The following CDIN1 variants were observed in gnomAD, a reference collection of about 807,000 sequenced individuals.
CDIN1 encodes the protein CDAN1-interacting nuclease 1.
A neutral mutation model predicts 45.3 loss-of-function variants in CDIN1; 33 were observed. The observed-to-expected ratio is 0.73, with a 90% confidence interval of 0.55 to 0.97. The LOEUF (loss-of-function observed/expected upper bound fraction) is 0.97, where lower values mean the gene tolerates loss of function less well. Among genes scored for constraint, CDIN1 ranks in the 50% least tolerant of loss-of-function variants. CDIN1 has a pLI of 0.00. For synonymous variants in CDIN1, 118 were observed against 124.4 expected, an observed-to-expected ratio of 0.95 and a Z score of 0.34; for missense variants, 303 against 339.4, an observed-to-expected ratio of 0.89 and a Z score of 0.84.
At chr15:36,642,750 C>A (rs1006243580) in intron 1 of CDIN1, among the ~76,000 whole-genome samples, 1 of 152,176 alleles carries the variant, frequency 6.6e-6, no homozygotes, top group East Asian at 1.9e-4. Flanking sequence ...TGGTCCCTAA[C>A]TTTCTCATTA....
rs1024560655 is a variant in CDIN1, at chr15:36,595,043, A to G, written c.101+15082A>G. ...AATGTTCTTATGGCTTATGGAAAAG[A>G]CAACTGACATATGTAACCTTGGAAC... On this transcript the variant is annotated intron_variant, in intron 1 of 10. Transcript: ENST00000566621. The G allele has an allele frequency of 2.1e-5, 8 of 383,752 alleles. No individual in the cohort carries two copies. In the East Asian group the frequency reaches 1.3e-3, roughly 63 times the overall value. 23.8% of individuals were successfully genotyped at this position (383,752 alleles called of 1,614,324 possible). A position where few individuals can be genotyped will look rare whatever the true frequency, so the allele number is the denominator to read the frequency against.
intron 3 of CDIN1, among the ~76,000 whole-genome samples, chr15:36,650,461 G>T (rs1190037319): frequency 6.7e-6 from 1 of 148,888 alleles, no homozygotes; most frequent in African/African-American, 2.5e-5. Flanking sequence ...TTTATTATTT[G>T]AGACAGAACC....
chr15:36,607,606 C>G (rs2038439824), intron 1 of CDIN1, among the ~76,000 whole-genome samples: 1 of 152,074 alleles, frequency 6.6e-6, no homozygotes, highest in Admixed American at 6.6e-5. Flanking sequence ...TCCCTCTTAA[C>G]TTCCTTTTAT....
At chr15:36,757,770 CAGG>C (rs1301333600) in intron 10 of CDIN1, among the ~76,000 whole-genome samples, 1 of 152,088 alleles carries the variant, frequency 6.6e-6, no homozygotes, top group Non-Finnish European at 1.5e-5. Flanking sequence ...GACCTACTGT[CAGG>C]AGAGCAGTAG....
At chr15:36,706,476 A>T (rs779363254) in intron 8 of CDIN1, 3 of 151,424 alleles carry the variant, frequency 2.0e-5, no homozygotes, top group Non-Finnish European at 4.4e-5. Context: ...AGTCAGGCAT[A>T]GTGGCATGCA....
At chr15:36,759,444 T>A (rs1004019796) in intron 10 of CDIN1, among the ~76,000 whole-genome samples, 2 of 152,158 alleles carry the variant, frequency 1.3e-5, no homozygotes, top group African/African-American at 4.8e-5. Context: ...TTCCTCACAA[T>A]TGCTCAGATA....
chr15:36,747,417 G>A (rs2140959658), intron 10 of CDIN1, among the ~76,000 whole-genome samples: 1 of 152,212 alleles, frequency 6.6e-6, no homozygotes, highest in South Asian at 2.1e-4. Flanking sequence ...TTTTATAAGT[G>A]AACTTTTCTC....
At chr15:36,800,905 GTGTGTATATA>G (rs1330609234) in intron 10 of CDIN1, among the ~76,000 whole-genome samples, 9 of 22,110 alleles carry the variant, frequency 4.1e-4, no homozygotes, top group East Asian at 4.6e-3. Context: ...GTGTGTGTGT[GTGTGTATATA>G]TATATATATA....
At chr15:36,596,541 G>C (rs1250559699) in intron 1 of CDIN1, among the ~76,000 whole-genome samples, 2 of 152,084 alleles carry the variant, frequency 1.3e-5, no homozygotes, top group Non-Finnish European at 2.9e-5. Flanking sequence ...ATGCAGAACA[G>C]TTCAAAATGA....
intron 10 of CDIN1, among the ~76,000 whole-genome samples, chr15:36,787,735 G>A (rs1047699522): frequency 1.3e-5 from 2 of 151,874 alleles, no homozygotes; most frequent in African/African-American, 2.4e-5. Flanking sequence ...AGTCTATTCT[G>A]TCACTTAAGG....
intron 1 of CDIN1, among the ~76,000 whole-genome samples, chr15:36,604,152 G>C (rs553874800): frequency 2.0e-5 from 3 of 152,146 alleles, no homozygotes; most frequent in Admixed American, 6.5e-5. Context: ...TCAATGCTTG[G>C]TTCCACCCTG....
intron 5 of CDIN1, among the ~76,000 whole-genome samples, chr15:36,689,853 A>G (rs1223149870): frequency 5.3e-5 from 8 of 152,214 alleles, no homozygotes; most frequent in Admixed American, 1.3e-4. Flanking sequence ...GATTCTTACT[A>G]TTACTTGAAC....
chr15:36,667,880 A>G (rs2041310963), intron 5 of CDIN1, among the ~76,000 whole-genome samples: 1 of 152,190 alleles, frequency 6.6e-6, no homozygotes, highest in Non-Finnish European at 1.5e-5. Context: ...ACAAGAACAT[A>G]AAATACAACA....
chr15:36,727,758 G>A (rs2043690628), intron 10 of CDIN1, among the ~76,000 whole-genome samples: 1 of 152,076 alleles, frequency 6.6e-6, no homozygotes, highest in Admixed American at 6.6e-5. Context: ...TTAATATATT[G>A]AGTGTTGAGC....
intron 10 of CDIN1, among the ~76,000 whole-genome samples, chr15:36,747,529 T>TA (rs1312169259): frequency 2.0e-5 from 3 of 152,292 alleles, no homozygotes; most frequent in East Asian, 3.9e-4. Flanking sequence ...TGGTTTTCTT[T>TA]AAAAAATCAC....
At chr15:36,646,678 T>A (rs1288311363) in intron 3 of CDIN1, among the ~76,000 whole-genome samples, 1 of 152,070 alleles carries the variant, frequency 6.6e-6, no homozygotes. Flanking sequence ...AAAAATACAT[T>A]CTTGTTTGTA....
At chr15:36,638,935 T>C (rs1240331534) in intron 1 of CDIN1, among the ~76,000 whole-genome samples, 3 of 152,210 alleles carry the variant, frequency 2.0e-5, no homozygotes, top group Non-Finnish European at 4.4e-5. Context: ...GATTAAGACT[T>C]TGGGCTCTGG....
chr15:36,737,489 G>A (rs886796767), intron 10 of CDIN1, among the ~76,000 whole-genome samples: 6 of 152,176 alleles, frequency 3.9e-5, no homozygotes, highest in African/African-American at 1.4e-4. Context: ...GGGACTACAT[G>A]GAGTACTACC....
chr15:36,676,489 GTCA>G (rs1388463009), intron 5 of CDIN1, among the ~76,000 whole-genome samples: 4 of 152,190 alleles, frequency 2.6e-5, no homozygotes, highest in African/African-American at 9.6e-5. Context: ...GCTTCTTGAA[GTCA>G]TCAACTTGCA....
Sources: allele counts gnomAD v4.1 joint callset (sites outside exome capture counted in the v4.1 genomes callset), GRCh38; gene constraint gnomAD v4.1.1; transcripts MANE v1.5; gene names NCBI Gene and HGNC (gene_info 2026-07-23, HGNC 2026-07-21).